AFG2A: variants seen among roughly 807,000 people sequenced by gnomAD.
AFG2A encodes AAA ATPase AFG2A, also known as ATPase family gene 2 protein homolog A.
chr4:123,237,721 A>G, the AFG2A span, among the ~76,000 whole-genome samples: 96 of 151,048 alleles, frequency 6.4e-4, no homozygotes, highest in African/African-American at 2.3e-3. Context: ...AAGAGGGCCA[A>G]ATAGGAACAG....
chr4:123,157,013 A>G, the AFG2A span, among the ~76,000 whole-genome samples: 1 of 151,468 alleles, frequency 6.6e-6, no homozygotes, highest in African/African-American at 2.4e-5. Flanking sequence ...ATCTCTCTAC[A>G]AGCTTTTTTT....
At chr4:123,303,813 A>G in the AFG2A span, among the ~76,000 whole-genome samples, 1 of 151,438 alleles carries the variant, frequency 6.6e-6, no homozygotes, top group Non-Finnish European at 1.5e-5. Flanking sequence ...TTAAGCAACC[A>G]AGTGTGTTCC....
the AFG2A span, among the ~76,000 whole-genome samples, chr4:123,060,845 A>G: frequency 6.6e-6 from 1 of 152,206 alleles, no homozygotes; most frequent in African/African-American, 2.4e-5. Context: ...TCTTCAGGCT[A>G]CAAAATTCCA....
chr4:123,064,510 C>G, the AFG2A span, among the ~76,000 whole-genome samples: 1 of 152,208 alleles, frequency 6.6e-6, no homozygotes, highest in Non-Finnish European at 1.5e-5. Context: ...TCCTGACTAG[C>G]TTACATTTTT....
At chr4:123,312,829 C>T in the AFG2A span, among the ~76,000 whole-genome samples, 2 of 152,188 alleles carry the variant, frequency 1.3e-5, no homozygotes, top group East Asian at 3.8e-4. Flanking sequence ...GCTCCCTAAA[C>T]ATGCTGCTAA....
chr4:123,021,515 T>C, the AFG2A span, among the ~76,000 whole-genome samples: 1 of 152,202 alleles, frequency 6.6e-6, no homozygotes, highest in Non-Finnish European at 1.5e-5. Flanking sequence ...TACGAACACA[T>C]GGATCTTAAT....
At chr4:122,929,667 C>T in the AFG2A span, among the ~76,000 whole-genome samples, 1 of 151,666 alleles carries the variant, frequency 6.6e-6, no homozygotes, top group African/African-American at 2.4e-5. Flanking sequence ...CCACTGCACT[C>T]CAGCCTGGGT....
the AFG2A span, among the ~76,000 whole-genome samples, chr4:123,122,397 T>A: frequency 0.21 from 31,916 of 152,160 alleles, 3,587 homozygotes; most frequent in East Asian, 0.46. Context: ...ACATTAGCCT[T>A]CAGTTGGGCA....
the AFG2A span, among the ~76,000 whole-genome samples, chr4:123,087,887 G>A: frequency 0.91 from 138,207 of 152,212 alleles, 62,984 homozygotes; most frequent in East Asian, 0.98. Flanking sequence ...CTGTTAGGAC[G>A]GAGCGAAGAC....
At chr4:122,934,810 T>C in the AFG2A span, 70 of 1,479,788 alleles carry the variant, frequency 4.7e-5, no homozygotes, top group Admixed American at 1.4e-4. Flanking sequence ...ACTTATGTAA[T>C]GATTGCTCAT....
At chr4:123,133,301 G>A in the AFG2A span, among the ~76,000 whole-genome samples, 2 of 152,164 alleles carry the variant, frequency 1.3e-5, no homozygotes, top group Non-Finnish European at 2.9e-5. Flanking sequence ...CATTGGTTAC[G>A]GGGCTTATCA....
chr4:123,054,281 C>G, the AFG2A span, among the ~76,000 whole-genome samples: 1 of 152,024 alleles, frequency 6.6e-6, no homozygotes, highest in African/African-American at 2.4e-5. Context: ...TAGGGTTTCA[C>G]AATTGTGGAT....
chr4:123,108,125 C>G, the AFG2A span, among the ~76,000 whole-genome samples: 5 of 152,228 alleles, frequency 3.3e-5, no homozygotes, highest in South Asian at 1.0e-3. Flanking sequence ...CTACCCAGTG[C>G]AGCGGGCGTC....
the AFG2A span, among the ~76,000 whole-genome samples, chr4:123,218,193 C>G: frequency 4.6e-5 from 7 of 152,136 alleles, no homozygotes; most frequent in African/African-American, 1.7e-4. Context: ...GCTAGTGAAT[C>G]TTACAAAAAT....
chr4:122,951,433 TACACACACAC>T, the AFG2A span, among the ~76,000 whole-genome samples: 7 of 148,602 alleles, frequency 4.7e-5, no homozygotes, highest in East Asian at 8.0e-4. Flanking sequence ...TTTTCCAAAG[TACACACACAC>T]ACACACACAC....
the AFG2A span, among the ~76,000 whole-genome samples, chr4:123,240,463 G>A: frequency 1.7e-4 from 26 of 152,280 alleles, no homozygotes; most frequent in Admixed American, 3.3e-4. Context: ...TAGAACTCAG[G>A]ATTAAGAAAC....
the AFG2A span, among the ~76,000 whole-genome samples, chr4:123,258,183 G>C: frequency 1.3e-5 from 2 of 152,290 alleles, no homozygotes; most frequent in Middle Eastern, 3.4e-3. Context: ...TTTGCTAACA[G>C]CTACATCTTA....
the AFG2A span, among the ~76,000 whole-genome samples, chr4:123,184,088 A>G: frequency 6.6e-6 from 1 of 151,822 alleles, no homozygotes; most frequent in Non-Finnish European, 1.5e-5. Flanking sequence ...GAGCCACCAT[A>G]CCTGGCCCCG....
chr4:123,145,236 C>T, the AFG2A span, among the ~76,000 whole-genome samples: 2 of 151,986 alleles, frequency 1.3e-5, no homozygotes, highest in African/African-American at 2.4e-5. Flanking sequence ...ATGGAACTTG[C>T]ATACATGGGC....
Sources: allele counts gnomAD v4.1 joint callset (sites outside exome capture counted in the v4.1 genomes callset), GRCh38; gene constraint gnomAD v4.1.1; transcripts MANE v1.5; gene names NCBI Gene and HGNC (gene_info 2026-07-23, HGNC 2026-07-21).